The following ROBO2 variants were observed in gnomAD, a reference collection of about 807,000 sequenced individuals.
ROBO2 encodes the protein roundabout homolog 2.
A neutral mutation model predicts 160.8 loss-of-function variants in ROBO2; 53 were observed. The observed-to-expected ratio is 0.33, with a 90% CI of 0.26 to 0.41. The LOEUF is 0.41. Among genes scored for constraint, ROBO2 ranks in the 10% least tolerant of loss-of-function variants. The probability of loss-of-function intolerance (pLI) is 1.00; values close to 1 mark genes in which losing one functional copy is unlikely to be tolerated. For missense variants in ROBO2, 1,577 were observed against 1,722.4 expected, an observed-to-expected ratio of 0.92 and a Z score of 1.49; for synonymous variants, 664 against 611.7, an observed-to-expected ratio of 1.09 and a Z score of -1.26.
intron 2 of ROBO2, among the ~76,000 whole-genome samples, chr3:76,139,742 C>T (rs1016824452): frequency 6.6e-6 from 1 of 152,064 alleles, no homozygotes; most frequent in Non-Finnish European, 1.5e-5. Context: ...GCCCCTGAAG[C>T]ATTGTCTGCA....
intron 2 of ROBO2, among the ~76,000 whole-genome samples, chr3:76,562,616 G>A: frequency 6.6e-6 from 1 of 152,148 alleles, no homozygotes; most frequent in East Asian, 1.9e-4. Context: ...AATAAAAGTC[G>A]CCATCCTCCA....
intron 2 of ROBO2, among the ~76,000 whole-genome samples, chr3:76,852,207 A>T (rs1377885229): frequency 6.6e-6 from 1 of 152,178 alleles, no homozygotes; most frequent in African/African-American, 2.4e-5. Context: ...GGAGAAAAGC[A>T]TTTTAGTGAA....
intron 2 of ROBO2, among the ~76,000 whole-genome samples, chr3:77,245,560 T>G (rs2089627450): frequency 1.3e-5 from 2 of 152,232 alleles, no homozygotes. Flanking sequence ...TTCTTCTTTG[T>G]GCTCCCAGAG....
chr3:76,926,922 A>G (rs2077026154), intron 2 of ROBO2, among the ~76,000 whole-genome samples: 1 of 151,906 alleles, frequency 6.6e-6, no homozygotes, highest in African/African-American at 2.4e-5. Context: ...TTCAAAGCCT[A>G]GCAGCAAATA....
chr3:76,223,386 TA>T (rs1214915238), intron 2 of ROBO2, among the ~76,000 whole-genome samples: 5 of 151,374 alleles, frequency 3.3e-5, no homozygotes, highest in Non-Finnish European at 5.9e-5. Context: ...GGGAAGTAGG[TA>T]GGGGGGTAGG....
At chr3:77,413,251 A>C (rs886188156) in intron 2 of ROBO2, among the ~76,000 whole-genome samples, 1 of 152,142 alleles carries the variant, frequency 6.6e-6, no homozygotes, top group Non-Finnish European at 1.5e-5. Context: ...AAAAAGAAAA[A>C]AAAAGTATGT....
intron 2 of ROBO2, among the ~76,000 whole-genome samples, chr3:76,905,942 T>G (rs1179139444): frequency 6.6e-6 from 1 of 152,164 alleles, no homozygotes; most frequent in African/African-American, 2.4e-5. Context: ...ATGGCTTTAT[T>G]TTTCTCATCA....
chr3:76,154,466 A>T (rs2072328053), intron 2 of ROBO2, among the ~76,000 whole-genome samples: 1 of 152,132 alleles, frequency 6.6e-6, no homozygotes, highest in African/African-American at 2.4e-5. Context: ...TACCAAAAGG[A>T]TTTCAAGGTG....
chr3:77,185,951 TCTCA>T (rs1489104605), intron 2 of ROBO2, among the ~76,000 whole-genome samples: 1 of 151,974 alleles, frequency 6.6e-6, no homozygotes, highest in Non-Finnish European at 1.5e-5. Context: ...CATCGTATGT[TCTCA>T]CTCACAAGTG....
At chr3:77,192,538 T>C (rs2150952534) in intron 2 of ROBO2, among the ~76,000 whole-genome samples, 1 of 152,298 alleles carries the variant, frequency 6.6e-6, no homozygotes, top group East Asian at 1.9e-4. Context: ...TAGCTAAAAA[T>C]TGTTTCAGTT....
intron 2 of ROBO2, among the ~76,000 whole-genome samples, chr3:76,254,670 C>G (rs1014405664): frequency 2.4e-4 from 37 of 151,706 alleles, no homozygotes; most frequent in African/African-American, 8.7e-4. Flanking sequence ...TTAGTGATAC[C>G]TTTACTGTGG....
At chr3:77,327,087 A>T (rs2065472047) in intron 2 of ROBO2, among the ~76,000 whole-genome samples, 1 of 152,326 alleles carries the variant, frequency 6.6e-6, no homozygotes. Flanking sequence ...GTCATAGACA[A>T]TTTAGAACTC....
chr3:76,465,855 T>C (rs2078331246), intron 2 of ROBO2, among the ~76,000 whole-genome samples: 2 of 151,994 alleles, frequency 1.3e-5, no homozygotes, highest in African/African-American at 4.8e-5. Context: ...TTAATTACTC[T>C]TACTTGGTAC....
At position 76,533,370 on chromosome 3, in the gene ROBO2, C is replaced by T. The variant is rs185953395; in HGVS notation, c.110-564644C>T. Among the ~76,000 whole-genome samples the T allele has an allele frequency of 2.6e-3, 398 of 152,238 alleles. 1 individual carries two copies. Among genetic ancestry groups the T allele is most frequent in the Non-Finnish European group, 3.6e-3 (242 of 68,018 alleles). ...AATAATAGGAGTACTTTAAAATAGGCCTCAAATTAATTGTTGTTCTTAAAA... is the reference window on the plus strand; with the variant it reads ...AATAATAGGAGTACTTTAAAATAGGTCTCAAATTAATTGTTGTTCTTAAAA... On this transcript the variant is annotated intron_variant, in intron 2 of 26. Coordinates refer to the ROBO2 transcript ENST00000487694.
intron 2 of ROBO2, among the ~76,000 whole-genome samples, chr3:76,917,517 C>T (rs571725968): frequency 1.3e-3 from 205 of 152,258 alleles, no homozygotes; most frequent in African/African-American, 4.2e-3. Flanking sequence ...TCAACATTTG[C>T]ATATTTCCTT....
At chr3:76,284,585 A>G (rs1371164135) in intron 2 of ROBO2, among the ~76,000 whole-genome samples, 1 of 152,112 alleles carries the variant, frequency 6.6e-6, no homozygotes, top group Non-Finnish European at 1.5e-5. Context: ...AGTGTGCAAT[A>G]ACATTCAGGT....
chr3:76,583,151 A>G (rs1418223241), intron 2 of ROBO2, among the ~76,000 whole-genome samples: 2 of 152,190 alleles, frequency 1.3e-5, no homozygotes, highest in Non-Finnish European at 2.9e-5. Context: ...TACCTTATGC[A>G]GTGCTCCGTT....
chr3:76,614,220 A>C (rs2088380461), intron 2 of ROBO2, among the ~76,000 whole-genome samples: 1 of 152,116 alleles, frequency 6.6e-6, no homozygotes, highest in South Asian at 2.1e-4. Flanking sequence ...AAGTGATAAA[A>C]TTATAAGCTT....
At chr3:77,218,316 C>T (rs372242819) in intron 2 of ROBO2, among the ~76,000 whole-genome samples, 4 of 151,922 alleles carry the variant, frequency 2.6e-5, no homozygotes, top group African/African-American at 7.3e-5. Flanking sequence ...GAATTTTTCT[C>T]GATCCTTAGG....
Sources: allele counts gnomAD v4.1 joint callset (sites outside exome capture counted in the v4.1 genomes callset), GRCh38; gene constraint gnomAD v4.1.1; transcripts MANE v1.5; gene names NCBI Gene and HGNC (gene_info 2026-07-23, HGNC 2026-07-21).